Variants in NRXN1 observed in about 807,000 individuals in gnomAD.
The protein encoded by NRXN1 is neurexin 1, also known as neurexin-1.
In NRXN1, 39 loss-of-function variants were observed where a neutral mutation model predicts 150.9. The ratio of observed to expected loss-of-function variants is 0.26; its 90% CI spans 0.20 to 0.34. The LOEUF is 0.34. NRXN1 is among the 10% of genes least tolerant of loss of function. The probability of loss-of-function intolerance (pLI) is 1.00; values close to 1 mark genes in which losing one functional copy is unlikely to be tolerated. For missense variants in NRXN1, 1,815 were observed against 1,949.9 expected (o/e 0.93, Z 1.30); for synonymous variants, 924 against 757.0 (o/e 1.22, Z -3.62).
chr2:50,808,125 T>C (rs2105743622), intron 5 of NRXN1, among the ~76,000 whole-genome samples: 1 of 152,156 alleles, frequency 6.6e-6, no homozygotes, highest in African/African-American at 2.4e-5. Context: ...AAGGTAGTGT[T>C]TAGGATTCTC....
chr2:50,088,544 T>A (rs1339478891), intron 19 of NRXN1, among the ~76,000 whole-genome samples: 2 of 152,180 alleles, frequency 1.3e-5, no homozygotes, highest in East Asian at 1.9e-4. Context: ...CTAAAATACA[T>A]CTTGGTAAAA....
intron 17 of NRXN1, among the ~76,000 whole-genome samples, chr2:50,381,538 C>T (rs1019449142): frequency 4.7e-5 from 7 of 148,026 alleles, no homozygotes; most frequent in African/African-American, 1.7e-4. Context: ...CACACACACA[C>T]ACACACACAC....
chr2:50,151,965 T>G (rs929178304), intron 18 of NRXN1, among the ~76,000 whole-genome samples: 1 of 151,766 alleles, frequency 6.6e-6, no homozygotes, highest in Non-Finnish European at 1.5e-5. Context: ...GAATTAAAAT[T>G]AACACCAATA....
At chr2:50,151,144 T>C (rs539166850) in intron 18 of NRXN1, among the ~76,000 whole-genome samples, 86 of 151,786 alleles carry the variant, frequency 5.7e-4, no homozygotes, top group Admixed American at 4.4e-3. Context: ...GAAAACCAGA[T>C]TGATTTCTGA....
intron 17 of NRXN1, among the ~76,000 whole-genome samples, chr2:50,462,427 G>C (rs113172583): frequency 2.0e-4 from 30 of 151,820 alleles, no homozygotes; most frequent in Admixed American, 3.9e-4. Context: ...CTGGCAGAGA[G>C]GCACAGAATG....
At chr2:49,976,300 CAGGATTATAG>C (rs1449317681) in intron 21 of NRXN1, among the ~76,000 whole-genome samples, 1 of 151,520 alleles carries the variant, frequency 6.6e-6, no homozygotes, top group Admixed American at 6.6e-5. Context: ...CCCAAAGTAC[CAGGATTATAG>C]AGGCATGAGC....
intron 19 of NRXN1, among the ~76,000 whole-genome samples, chr2:50,088,228 T>C (rs933930695): frequency 1.3e-5 from 2 of 152,112 alleles, no homozygotes; most frequent in African/African-American, 4.8e-5. Context: ...CTTCAAAATT[T>C]GTATTCAGCC....
chr2:50,522,615 G>A (rs1347876435), intron 12 of NRXN1, among the ~76,000 whole-genome samples: 4 of 149,558 alleles, frequency 2.7e-5, no homozygotes, highest in Non-Finnish European at 5.9e-5. Context: ...AATCCATGTA[G>A]TCATCTAAAT....
At chr2:50,743,963 C>T (rs2105289075) in intron 5 of NRXN1, among the ~76,000 whole-genome samples, 1 of 152,204 alleles carries the variant, frequency 6.6e-6, no homozygotes, top group African/African-American at 2.4e-5. Flanking sequence ...CCCAAGATTG[C>T]CCTCAAACCA....
intron 18 of NRXN1, among the ~76,000 whole-genome samples, chr2:50,212,580 T>G (rs1030214395): frequency 2.0e-5 from 3 of 151,866 alleles, no homozygotes; most frequent in Non-Finnish European, 2.9e-5. Flanking sequence ...ATATGTTTAT[T>G]TAAATCTGTA....
At chr2:50,587,429 G>A (rs1193329879) in intron 8 of NRXN1, among the ~76,000 whole-genome samples, 2 of 152,228 alleles carry the variant, frequency 1.3e-5, no homozygotes, top group Non-Finnish European at 2.9e-5. Flanking sequence ...AGGTTGCAGT[G>A]AGCCATGTTC....
At chr2:50,310,936 TA>T (rs1299248620) in intron 17 of NRXN1, among the ~76,000 whole-genome samples, 1 of 152,162 alleles carries the variant, frequency 6.6e-6, no homozygotes, top group East Asian at 1.9e-4. Context: ...ATTTTCAAAT[TA>T]AAATATTTGA....
intron 17 of NRXN1, among the ~76,000 whole-genome samples, chr2:50,375,202 T>C (rs541484195): frequency 1.3e-5 from 2 of 152,142 alleles, no homozygotes; most frequent in South Asian, 4.2e-4. Flanking sequence ...TTGCATGCTT[T>C]CTCTTGAATA....
chr2:50,947,360 A>G lies in NRXN1; in HGVS notation c.773-21405T>C, dbSNP rs113902940. ...AATACTGTAGTTCAAATATACAAATACTATTATTTTAAAATAATTTATATT... is the reference window on the plus strand; with the variant it reads ...AATACTGTAGTTCAAATATACAAATGCTATTATTTTAAAATAATTTATATT... On this transcript the variant is annotated intron_variant, in intron 2 of 22. Coordinates refer to ENST00000401669, the MANE Select transcript of NRXN1 (RefSeq NM_001330078.2). Among the ~76,000 whole-genome samples the G allele has an allele frequency of 3.7e-3, 558 of 152,084 alleles. 9 individuals are homozygous for G. Among genetic ancestry groups the G allele is most frequent in the African/African-American group, 0.013 (538 of 41,552 alleles).
rs1157243796 is a variant in NRXN1 at position 50,943,884 on chromosome 2, T to C, written c.773-17929A>G. Among the ~76,000 whole-genome samples, 4 of 152,208 alleles carry C rather than the reference T, an allele frequency of 2.6e-5. No homozygotes were observed. The East Asian group carries it at 7.7e-4, about 29-fold the overall frequency. On this transcript the variant is annotated intron_variant, in intron 2 of 22. Coordinates refer to ENST00000401669, the MANE Select transcript of NRXN1 (RefSeq NM_001330078.2). ...TTACTATAATTGTATTTCCTCATCC[T>C]AAGCAACTCCTTACAACATTTACTT...
intron 21 of NRXN1, among the ~76,000 whole-genome samples, chr2:49,945,751 T>G (rs1380498488): frequency 1.3e-5 from 2 of 152,226 alleles, no homozygotes; most frequent in African/African-American, 4.8e-5. Flanking sequence ...TATTCCATGG[T>G]GTATATGTGC....
At position 50,538,618 on chromosome 2, in the gene NRXN1, G is replaced by A. The variant is rs201530175; in HGVS notation, c.1778C>T (p.Thr593Met). Residue 593 changes from threonine (T) to methionine (M), a missense_variant, in exon 10 of 23, where the codon ACG becomes ATG. By Grantham distance (81) the Thr-to-Met change is moderately conservative (BLOSUM62 -1). This residue lies in a region of NRXN1 where 638 missense variants were observed against 652.6 expected (regional missense o/e 0.98). Coordinates refer to ENST00000401669, the MANE Select transcript of NRXN1 (RefSeq NM_001330078.2). The stretch of plus-strand genomic sequence containing the variant: ...AGGAGCAGTGTAGGGAGTACGCAAC[G>A]TGTTGACAGAAATGGTACCTATTTC... ...DGRSGTISVN[T>M]LRTPYTAPGE... is the part of the protein sequence containing the mutation. 286 of 1,493,286 alleles carry A rather than the reference G, an allele frequency of 1.9e-4. No individual in the cohort carries two copies. Among genetic ancestry groups the A allele is most frequent in the Non-Finnish European group, 2.3e-4 (253 of 1,119,652 alleles). The allele number at this position is 1,493,286 out of a possible 1,614,324, so 92.5% of individuals were successfully genotyped here.
At chr2:50,621,064 C>T in intron 7 of NRXN1, 162 bp downstream of exon 7, 2 of 571,272 alleles carry the variant, frequency 3.5e-6, no homozygotes, top group Non-Finnish European at 6.1e-6. Flanking sequence ...AGAAGGTCAA[C>T]AACAGATGAA....
intron 8 of NRXN1, among the ~76,000 whole-genome samples, chr2:50,560,867 T>C (rs968857847): frequency 6.6e-6 from 1 of 152,194 alleles, no homozygotes; most frequent in Non-Finnish European, 1.5e-5. Context: ...CAATAAAATA[T>C]GTTATCTTCT....
Sources: gnomAD v4.1 joint callset for allele counts (sites outside exome capture counted in the v4.1 genomes callset) on GRCh38, gnomAD v4.1.1 for gene constraint, gnomAD v4.1.1 regional missense constraint, MANE v1.5 for transcripts, NCBI Gene and HGNC (gene_info 2026-07-23, HGNC 2026-07-21) for gene names.